Variants in PTPRS observed in about 807,000 individuals in gnomAD.
PTPRS encodes the protein protein tyrosine phosphatase receptor type S, also known as receptor-type tyrosine-protein phosphatase S.
A neutral mutation model predicts 215.3 loss-of-function variants in PTPRS; 63 were observed. The ratio of observed to expected loss-of-function variants is 0.29; its 90% CI spans 0.24 to 0.36. PTPRS has a LOEUF of 0.36. Ranked by LOEUF, PTPRS falls within the 10% of genes least tolerant of loss-of-function variation. The pLI is 1.00. For missense variants in PTPRS, 2,258 were observed against 2,825.8 expected, an observed-to-expected ratio of 0.80 and a Z score of 4.56; for synonymous variants, 1,404 against 1,191.4, an observed-to-expected ratio of 1.18 and a Z score of -3.68.
At chr19:5,311,891 T>G (rs1434338881) in intron 1 of PTPRS, among the ~76,000 whole-genome samples, 1 of 151,808 alleles carries the variant, frequency 6.6e-6, no homozygotes. Context: ...ATACAAAAAA[T>G]TAGCCGGGCG....
At chr19:5,316,773 C>A (rs2049888314) in intron 1 of PTPRS, among the ~76,000 whole-genome samples, 1 of 152,196 alleles carries the variant, frequency 6.6e-6, no homozygotes, top group African/African-American at 2.4e-5. Context: ...AGGTGATCCA[C>A]CTGCCTCAGT....
At chr19:5,286,679 C>T (rs925351839) in intron 1 of PTPRS, among the ~76,000 whole-genome samples, 4 of 152,128 alleles carry the variant, frequency 2.6e-5, no homozygotes, top group African/African-American at 7.2e-5. Flanking sequence ...TTCCCAGCCT[C>T]TAGAACTGTG....
chr19:5,214,143 T>C (rs569732842), intron 30 of PTPRS, among the ~76,000 whole-genome samples: 1 of 152,312 alleles, frequency 6.6e-6, no homozygotes, highest in African/African-American at 2.4e-5. Context: ...TCTGCCGGCT[T>C]TGTTCTCCTG....
At chr19:5,216,634 G>C (rs2041486350) in intron 26 of PTPRS, 86 bp downstream of exon 26, 2 of 1,162,266 alleles carry the variant, frequency 1.7e-6, no homozygotes, top group East Asian at 2.6e-5. Flanking sequence ...CGTGTGGACA[G>C]AGACAGGAGA....
Position 5,247,038 on chromosome 19 carries a change from A to G in PTPRS, c.719-993T>C, listed in dbSNP as rs1397376872. ...GACGAATGAATGGGGAGAAAGAGAG[A>G]AGAATAGAAAATAGGGACAGAGAGC... On this transcript the variant is annotated intron_variant, in intron 9 of 37. Transcript: ENST00000262963. Among the ~76,000 whole-genome samples the G allele has an allele frequency of 7.3e-5, 11 of 151,680 alleles. No homozygotes were observed. The South Asian group carries it at 2.1e-3, about 29-fold the overall frequency.
In PTPRS at chr19:5,339,911, C is replaced by G. The variant is rs969419800; in HGVS notation, c.-95+753G>C. Among the ~76,000 whole-genome samples, 9 of 151,710 alleles carry G rather than the reference C, an allele frequency of 5.9e-5. No homozygotes were observed. The highest frequency in any genetic ancestry group is 1.0e-4 in the Non-Finnish European group (7 of 67,812). On this transcript the variant is annotated intron_variant, in intron 1 of 37. Coordinates refer to ENST00000262963, the MANE Select transcript of PTPRS (RefSeq NM_002850.4). This position sits in a 1 kb window ranked among gnomAD's most constrained non-coding sequence, Gnocchi z 4.2. ...GCGTGCGCGTCTGCCTGCCAGAGCC[C>G]CTGGGGCTGGGGGCTGAGGCTCGCC...
intron 7 of PTPRS, 112 bp from the exon 8 acceptor site, chr19:5,258,239 G>A: frequency 1.1e-6 from 1 of 889,330 alleles, no homozygotes; most frequent in Non-Finnish European, 1.8e-6. Context: ...GGCTGGGCCA[G>A]AGAGGCAGAT....
chr19:5,243,068 G>A (rs895531991), intron 11 of PTPRS, among the ~76,000 whole-genome samples: 8 of 151,008 alleles, frequency 5.3e-5, no homozygotes, highest in East Asian at 2.0e-4. Flanking sequence ...ATCCTCCTGC[G>A]TCTGCCTCTT....
At position 5,237,852 on chromosome 19, in the gene PTPRS, G is replaced by A. The variant is rs1347999463; in HGVS notation, c.1849+1067C>T. 6.6e-6 allele frequency among the ~76,000 whole-genome samples: 1 copy of A among 152,060 alleles called. No individual in the cohort carries two copies. Among genetic ancestry groups the A allele is most frequent in the East Asian group, 2.0e-4 (1 of 5,074 alleles). ...GCAGGAAGGAGGGAAGGGGGCCGGC[G>A]GGGGCAGGGGGGTTGTGTCTCCGAG... On this transcript the variant is annotated intron_variant, in intron 13 of 37. Transcript: ENST00000262963. This position sits in a 1 kb window ranked among gnomAD's most constrained non-coding sequence, Gnocchi z 4.2.
At chr19:5,310,639 A>T (rs1016578600) in intron 1 of PTPRS, among the ~76,000 whole-genome samples, 3 of 151,900 alleles carry the variant, frequency 2.0e-5, no homozygotes, top group Non-Finnish European at 4.4e-5. Context: ...TCTTAAAGGC[A>T]TGGCATACAG....
chr19:5,289,227 C>T (rs2033605393), intron 1 of PTPRS, among the ~76,000 whole-genome samples: 1 of 152,162 alleles, frequency 6.6e-6, no homozygotes, highest in South Asian at 2.1e-4. Flanking sequence ...GTGAGGTCCT[C>T]TGCGAGGATT....
At chr19:5,224,859 G>C (rs2042333881) in intron 17 of PTPRS, among the ~76,000 whole-genome samples, 1 of 152,136 alleles carries the variant, frequency 6.6e-6, no homozygotes, top group African/African-American at 2.4e-5. Context: ...GTGTCCAGCT[G>C]GGAGGCCTGA....
In PTPRS at chr19:5,255,858, G is replaced by A. The variant is rs531693508; in HGVS notation, c.718+250C>T. ...CATGTGTGCGGCCGGCCCTAGGCCG[G>A]GCTGGGCGCGGCTGAGATTTTCGTG... On this transcript the variant is annotated intron_variant, in intron 9 of 37. Coordinates refer to ENST00000262963, the MANE Select transcript of PTPRS (RefSeq NM_002850.4). Among the ~76,000 whole-genome samples, 5 of 152,376 alleles carry A rather than the reference G, an allele frequency of 3.3e-5. No individual in the cohort carries two copies. In the East Asian group the frequency reaches 9.6e-4, roughly 29 times the overall value.
intron 1 of PTPRS, among the ~76,000 whole-genome samples, chr19:5,321,962 AAAT>A (rs2050035337): frequency 6.6e-6 from 1 of 152,182 alleles, no homozygotes; most frequent in Non-Finnish European, 1.5e-5. Context: ...CCCATTTCAC[AAAT>A]AAACTGAGGC....
intron 14 of PTPRS, 135 bp downstream of exon 14, chr19:5,231,175 G>A (rs2042979701): frequency 1.1e-6 from 1 of 948,896 alleles, no homozygotes; most frequent in Non-Finnish European, 1.5e-6. Flanking sequence ...TCTCGGGGAG[G>A]CTGCTTGCTT....
intron 33 of PTPRS, 134 bp downstream of exon 33, chr19:5,211,456 T>G (rs2040875187): frequency 2.0e-5 from 17 of 855,310 alleles, no homozygotes; most frequent in Non-Finnish European, 2.9e-5. Context: ...TAAATATACA[T>G]CTAAAGATGT....
rs778472176 is a variant in PTPRS, at chr19:5,212,036, A to G, written c.4984T>C (p.Tyr1662His). Residue 1662 changes from tyrosine (Y) to histidine (H), a missense_variant, in exon 32 of 38, where the codon TAT becomes CAT. By Grantham distance (83) the Tyr-to-His change is moderately conservative. Transcript: ENST00000262963. ...TGGGCCAGCTTCTGGATGTAGGCAT[A>G]GAGGCTGCGTGCGGGCACTTCTGTG... is the stretch of plus-strand genomic sequence containing the variant. ...GNTEVPARSL[Y>H]AYIQKLAQVE... 6.2e-6 allele frequency: 10 copies of G among 1,613,822 alleles called. No individual in the cohort carries two copies. Among genetic ancestry groups the G allele is most frequent in the Non-Finnish European group, 8.5e-6 (10 of 1,180,032 alleles).
chr19:5,296,365 T>C (rs1195268181), intron 1 of PTPRS, among the ~76,000 whole-genome samples: 6 of 152,016 alleles, frequency 3.9e-5, no homozygotes, highest in Non-Finnish European at 8.8e-5. Context: ...CTGGGCCTGG[T>C]GGCGCATGAC....
In PTPRS at chr19:5,212,453, C is replaced by T. The variant is rs748937194; in HGVS notation, c.4653G>A (p.Gln1551=). Residue 1551 remains glutamine (Q), a synonymous_variant, in exon 31 of 38, where the codon CAG becomes CAA. Transcript: ENST00000262963. ...SSEKREVRQF[Q]FTAWPDHGVP... is the part of the protein sequence containing the mutation. The stretch of plus-strand genomic sequence containing the variant: ...CGCCATGGTCCGGCCACGCCGTAAA[C>T]TGGAACTGGCGGACCTCGCGTTTCT... 2 of 1,600,484 alleles carry T rather than the reference C, an allele frequency of 1.2e-6. No individual in the cohort carries two copies. The highest frequency in any genetic ancestry group is 3.4e-5 in the Admixed American group (2 of 58,034).
Sources: gnomAD v4.1 joint callset for allele counts (sites outside exome capture counted in the v4.1 genomes callset) on GRCh38, gnomAD v4.1.1 for gene constraint, Gnocchi (gnomAD v3.1) non-coding constraint, MANE v1.5 for transcripts, NCBI Gene and HGNC (gene_info 2026-07-23, HGNC 2026-07-21) for gene names.